PARP11: variants seen among roughly 807,000 people sequenced by gnomAD.
The protein encoded by PARP11 is poly(ADP-ribose) polymerase family member 11, also known as protein mono-ADP-ribosyltransferase PARP11.
A neutral mutation model predicts 42.9 loss-of-function variants in PARP11; 31 were observed. The observed-to-expected ratio is 0.72, with a 90% CI of 0.54 to 0.98. The LOEUF is 0.98. Ranked by LOEUF, PARP11 falls within the 50% of genes least tolerant of loss-of-function variation. The probability of loss-of-function intolerance (pLI) is 0.00; values close to 1 mark genes in which losing one functional copy is unlikely to be tolerated. For synonymous variants in PARP11, 137 were observed against 127.3 expected (o/e 1.08, Z -0.51); for missense variants, 365 against 413.1 (o/e 0.88, Z 1.01).
intron 1 of PARP11, among the ~76,000 whole-genome samples, chr12:3,834,905 A>G (rs1461790609): frequency 2.0e-5 from 3 of 152,160 alleles, no homozygotes; most frequent in African/African-American, 7.2e-5. Flanking sequence ...ACCCACTGAC[A>G]GAGCGGAGAA....
chr12:3,831,632 T>C (rs777666861), intron 1 of PARP11, among the ~76,000 whole-genome samples: 3 of 152,150 alleles, frequency 2.0e-5, no homozygotes, highest in Non-Finnish European at 2.9e-5. Context: ...TTATTTTTTA[T>C]ATATGTTTGG....
chr12:3,842,257 A>G, intron 1 of PARP11: 1 of 1,603,782 alleles, frequency 6.2e-7, no homozygotes. Context: ...GAAAATGAAA[A>G]TGAAGTGTCA....
intron 1 of PARP11, chr12:3,832,220 A>G (rs1947657013): frequency 2.6e-6 from 1 of 378,200 alleles, no homozygotes; most frequent in Non-Finnish European, 3.6e-6. Context: ...CATTGTATTG[A>G]ACATTCCTAA....
At chr12:3,817,878 G>A (rs1947323423) in intron 6 of PARP11, among the ~76,000 whole-genome samples, 1 of 152,200 alleles carries the variant, frequency 6.6e-6, no homozygotes, top group South Asian at 2.1e-4. Flanking sequence ...CAGAGGTTCT[G>A]ATTCAGTAGA....
chr12:3,831,557 C>CAATGTTATA (rs1327210577), intron 1 of PARP11, among the ~76,000 whole-genome samples: 2 of 152,064 alleles, frequency 1.3e-5, no homozygotes, highest in Non-Finnish European at 2.9e-5. Flanking sequence ...ATGAATGAGA[C>CAATGTTATA]AATGTTATAA....
At chr12:3,822,271 A>G in intron 4 of PARP11, 114 bp from the exon 5 acceptor site, 1 of 776,430 alleles carries the variant, frequency 1.3e-6, no homozygotes, top group Non-Finnish European at 2.1e-6. Flanking sequence ...GACAAATGCA[A>G]TTAAATACAG....
rs1452122677 is a variant in PARP11 at position 3,809,621 on chromosome 12, T to C, written c.*2502A>G. 6.6e-6 allele frequency: 1 copy of C among 152,224 alleles called. No individual in the cohort carries two copies. The highest frequency in any genetic ancestry group is 1.5e-5 in the Non-Finnish European group (1 of 68,044). 9.4% of individuals were successfully genotyped at this position (152,224 alleles called of 1,614,324 possible). A position where few individuals can be genotyped will look rare whatever the true frequency, so the allele number is the denominator to read the frequency against. On this transcript the variant is annotated 3_prime_UTR_variant, in exon 8 of 8. Coordinates refer to ENST00000228820, the MANE Select transcript of PARP11 (RefSeq NM_020367.6). ...TTCCATTCAAGTGCTGAGAGAGCTA[T>C]GCATATAAAACTTGAAAAAAGATAG... is the stretch of plus-strand genomic sequence containing the variant.
intron 6 of PARP11, among the ~76,000 whole-genome samples, chr12:3,814,475 T>C (rs1457292516): frequency 6.6e-6 from 1 of 152,214 alleles, no homozygotes; most frequent in African/African-American, 2.4e-5. Flanking sequence ...GGTAATTGAT[T>C]GTCTAAACCA....
At chr12:3,814,261 A>G (rs1361372956) in intron 6 of PARP11, 73 bp from the exon 7 acceptor site, 3 of 1,248,708 alleles carry the variant, frequency 2.4e-6, no homozygotes, top group East Asian at 2.6e-5. Flanking sequence ...AATCTTAATG[A>G]GCAAGGTTCA....
intron 1 of PARP11, among the ~76,000 whole-genome samples, chr12:3,865,303 T>C (rs1036766197): frequency 2.0e-5 from 3 of 152,154 alleles, no homozygotes; most frequent in Non-Finnish European, 4.4e-5. Flanking sequence ...TCTATGTAGT[T>C]GGAAAAAAAT....
At chr12:3,841,519 C>T (rs1240251764) in intron 1 of PARP11, 15 of 1,575,478 alleles carry the variant, frequency 9.5e-6, no homozygotes, top group Non-Finnish European at 1.2e-5. Context: ...AATGCTACAG[C>T]CAGTGATTGG....
At chr12:3,834,498 GT>G (rs1947716102) in intron 1 of PARP11, among the ~76,000 whole-genome samples, 1 of 151,906 alleles carries the variant, frequency 6.6e-6, no homozygotes, top group South Asian at 2.1e-4. Context: ...GCCAGGTGTG[GT>G]GGCGTGCACC....
rs1354056308 is a variant in PARP11 at position 3,833,969 on chromosome 12, C to T, written c.19-3951G>A. ...TAGAAGCTCTGTTCTGGAGAGGTGA[C>T]ACAGAGGACCCGTCTCTCTTTCCCT... is the stretch of plus-strand genomic sequence containing the variant. On this transcript the variant is annotated intron_variant, in intron 1 of 7. Coordinates refer to ENST00000228820, the MANE Select transcript of PARP11 (RefSeq NM_020367.6). 2.0e-5 allele frequency among the ~76,000 whole-genome samples: 3 copies of T among 150,570 alleles called. No individual in the cohort carries two copies. The East Asian group carries it at 6.0e-4, about 30-fold the overall frequency.
At position 3,873,122 on chromosome 12, in the gene PARP11, A is replaced by G. The variant is rs905407004; in HGVS notation, c.18+90T>C. 38 of 1,217,554 alleles carry G rather than the reference A, an allele frequency of 3.1e-5. No homozygotes were observed. The African/African-American group carries it at 5.1e-4, about 16-fold the overall frequency. 75.4% of individuals were successfully genotyped at this position (1,217,554 alleles called of 1,614,324 possible). A position where few individuals can be genotyped will look rare whatever the true frequency, so the allele number is the denominator to read the frequency against. On this transcript the variant is annotated intron_variant, in intron 1 of 7. Transcript: ENST00000228820. ...GGAACTCAACACCCAGACTGAAGCGAGCGCGGGGAAGCAGTTCCGGTGACC... is the reference window on the plus strand; with the variant it reads ...GGAACTCAACACCCAGACTGAAGCGGGCGCGGGGAAGCAGTTCCGGTGACC...
intron 1 of PARP11, among the ~76,000 whole-genome samples, chr12:3,838,873 T>C (rs1300980832): frequency 6.6e-6 from 1 of 152,138 alleles, no homozygotes; most frequent in Non-Finnish European, 1.5e-5. Flanking sequence ...AGGCCCCGCT[T>C]CACCTGAGCC....
chr12:3,850,135 C>T (rs554620277), intron 1 of PARP11, among the ~76,000 whole-genome samples: 2 of 152,134 alleles, frequency 1.3e-5, no homozygotes, highest in African/African-American at 4.8e-5. Flanking sequence ...AGAAGAATCA[C>T]AGTAAATAAG....
chr12:3,838,895 C>G (rs1369323302), intron 1 of PARP11, among the ~76,000 whole-genome samples: 2 of 152,186 alleles, frequency 1.3e-5, no homozygotes, highest in African/African-American at 4.8e-5. Flanking sequence ...GCCCGGCGTG[C>G]GCGCCTGGGG....
At chr12:3,822,283 C>A in intron 4 of PARP11, 126 bp from the exon 5 acceptor site, 3 of 711,656 alleles carry the variant, frequency 4.2e-6, no homozygotes, top group Non-Finnish European at 7.1e-6. Context: ...TAAATACAGC[C>A]TTCCGTTTCT....
chr12:3,842,112 G>C (rs143871848), intron 1 of PARP11: 477 of 1,610,968 alleles, frequency 3.0e-4, no homozygotes, highest in Non-Finnish European at 3.8e-4. Context: ...TGTTGAACTT[G>C]AACCTAAAAG....
Sources: gnomAD v4.1 joint callset for allele counts (sites outside exome capture counted in the v4.1 genomes callset) on GRCh38, gnomAD v4.1.1 for gene constraint, MANE v1.5 for transcripts, NCBI Gene and HGNC (gene_info 2026-07-23, HGNC 2026-07-21) for gene names.